ANKRD26: variants seen among roughly 807,000 people sequenced by gnomAD.
The protein encoded by ANKRD26 is ankyrin repeat domain 26.
ANKRD26 carries 141 observed loss-of-function variants against 208.7 expected under a neutral mutation model. That is an observed-to-expected ratio of 0.68 (90% confidence interval 0.59 to 0.78). The LOEUF (loss-of-function observed/expected upper bound fraction) is 0.78, where lower values mean the gene tolerates loss of function less well. Ranked by LOEUF, ANKRD26 falls within the 30% of genes least tolerant of loss-of-function variation. ANKRD26 has a pLI of 0.00. For synonymous variants in ANKRD26, 636 were observed against 660.4 expected, an observed-to-expected ratio of 0.96 and a Z score of 0.57; for missense variants, 1,889 against 1,938.7, an observed-to-expected ratio of 0.97 and a Z score of 0.48.
At chr10:27,040,814 G>C (rs916167691) in intron 20 of ANKRD26, among the ~76,000 whole-genome samples, 1 of 152,084 alleles carries the variant, frequency 6.6e-6, no homozygotes, top group Non-Finnish European at 1.5e-5. Context: ...CGGATCACCT[G>C]AGGTTAGGAG....
At chr10:27,056,215 T>C (rs897116034) in intron 15 of ANKRD26, among the ~76,000 whole-genome samples, 6 of 152,154 alleles carry the variant, frequency 3.9e-5, no homozygotes, top group Non-Finnish European at 8.8e-5. Context: ...TCTTGCTCTG[T>C]CGCCCAGGTT....
At chr10:27,091,438 C>G (rs1228312553) in intron 4 of ANKRD26, among the ~76,000 whole-genome samples, 1 of 151,700 alleles carries the variant, frequency 6.6e-6, no homozygotes, top group Non-Finnish European at 1.5e-5. Context: ...TTGCCCATAC[C>G]AATTAAAAAT....
intron 15 of ANKRD26, among the ~76,000 whole-genome samples, chr10:27,056,481 T>G (rs1299397532): frequency 3.3e-5 from 5 of 151,970 alleles, no homozygotes; most frequent in Non-Finnish European, 7.4e-5. Flanking sequence ...AAATAATTTT[T>G]TTTAAAGTTA....
chr10:27,007,003 C>T, intron 32 of ANKRD26, 41 bp from the exon 33 acceptor site: 2 of 1,434,880 alleles, frequency 1.4e-6, no homozygotes, highest in Non-Finnish European at 2.0e-6. Flanking sequence ...TTAAGTTAGA[C>T]AAGAGACATT....
chr10:27,039,876 A>G, intron 21 of ANKRD26, 89 bp downstream of exon 21: 1 of 1,259,720 alleles, frequency 7.9e-7, no homozygotes, highest in Non-Finnish European at 1.2e-6. Flanking sequence ...TTCCCTGCTA[A>G]GCCCCAGAAG....
At chr10:27,051,840 T>A (rs1017430302) in intron 16 of ANKRD26, 1 of 985,304 alleles carries the variant, frequency 1.0e-6, no homozygotes. Context: ...ATGTAGTGAC[T>A]CTTCCCCAGG....
rs2052837634 is a variant in ANKRD26, at chr10:27,005,432, T to A, written c.*158A>T. ...TCATTGGCAAAATCCACTTAAAAGT[T>A]AAAGAAGCCAAGTAACATTGTTTAA... On this transcript the variant is annotated 3_prime_UTR_variant, in exon 34 of 34. Transcript: ENST00000376087. The A allele has an allele frequency of 2.2e-6, 3 of 1,368,352 alleles. No individual in the cohort carries two copies. The highest frequency in any genetic ancestry group is 9.4e-7 in the Non-Finnish European group (1 of 1,063,428). The allele number at this position is 1,368,352 out of a possible 1,614,324, so 84.8% of individuals were successfully genotyped here. A position where few individuals can be genotyped will look rare whatever the true frequency, so the allele number is the denominator to read the frequency against.
In ANKRD26 at chr10:27,068,822, G is replaced by A. The variant is rs182713589; in HGVS notation, c.1078-1536C>T. ...TAGAGAAGATTATTCCAAAATTACA[G>A]GTCAGAAAGTGAACTGTCACATTTT... On this transcript the variant is annotated intron_variant, in intron 9 of 33. Coordinates refer to ENST00000376087, the MANE Select transcript of ANKRD26 (RefSeq NM_014915.3). Among the ~76,000 whole-genome samples, 257 of 150,852 alleles carry A rather than the reference G, an allele frequency of 1.7e-3. 2 individuals carry two copies. Among genetic ancestry groups the A allele is most frequent in the Middle Eastern group, 6.8e-3 (2 of 294 alleles).
At chr10:27,029,380 C>T in intron 25 of ANKRD26, 24 bp from the exon 26 acceptor site, 1 of 1,601,568 alleles carries the variant, frequency 6.2e-7, no homozygotes, top group Non-Finnish European at 8.5e-7. Context: ...TAAAAAAAAC[C>T]CACTTTACTA....
intron 1 of ANKRD26, among the ~76,000 whole-genome samples, chr10:27,094,773 G>A (rs1017426519): frequency 7.2e-5 from 11 of 152,162 alleles, no homozygotes; most frequent in African/African-American, 1.9e-4. Flanking sequence ...AGCTGAGGTA[G>A]GATGACTGCT....
Position 27,060,504 on chromosome 10 carries a change from C to T in ANKRD26, c.1491+8G>A, listed in dbSNP as rs771818082. ...AATAATTCAAGATAAAAATATAAAACTTATTACCTTCAAGTGAAGATATCT... is the reference window on the plus strand; with the variant it reads ...AATAATTCAAGATAAAAATATAAAATTTATTACCTTCAAGTGAAGATATCT... On this transcript the variant is annotated splice_region_variant and intron_variant, in intron 14 of 33. Coordinates refer to ENST00000376087, the MANE Select transcript of ANKRD26 (RefSeq NM_014915.3). The T allele has an allele frequency of 4.5e-6, 7 of 1,554,372 alleles. No individual in the cohort carries two copies. In the Admixed American group the frequency reaches 1.2e-4, roughly 26 times the overall value.
In ANKRD26 at chr10:27,100,179, T is replaced by A. The variant is rs751879818; in HGVS notation, c.148A>T (p.Ile50Phe). 2 of 1,613,976 alleles carry A rather than the reference T, an allele frequency of 1.2e-6. No homozygotes were observed. Among genetic ancestry groups the A allele is most frequent in the Non-Finnish European group, 1.7e-6 (2 of 1,179,984 alleles). The change falls in exon 1 of 34, where the codon ATC becomes TTC. Residue 50 changes from isoleucine (I) to phenylalanine (F), a missense_variant. Coordinates refer to ENST00000376087, the MANE Select transcript of ANKRD26 (RefSeq NM_014915.3). ...TTACCCGCGCTGGCAGCTTTGTGGA[T>A]CTTGCCGAGATCTCGGTCTCGGACG... ...YHVRDRDLGK[I>F]HKAASAGNVA...
At chr10:27,091,070 C>CGG (rs71504735) in intron 4 of ANKRD26, among the ~76,000 whole-genome samples, 19,805 of 151,802 alleles carry the variant, frequency 0.13, 1,417 homozygotes, top group East Asian at 0.28. Flanking sequence ...CACTCCAGCC[C>CGG]GTGACAGAGC....
chr10:26,972,121 GC>G (rs2052156496), downstream of ANKRD26, among the ~76,000 whole-genome samples: 1 of 151,802 alleles, frequency 6.6e-6, no homozygotes, highest in East Asian at 1.9e-4. Flanking sequence ...TGTAGTCCCA[GC>G]TACTCGGGAG....
chr10:27,092,894 C>T (rs1391100011), intron 3 of ANKRD26, among the ~76,000 whole-genome samples: 1 of 152,110 alleles, frequency 6.6e-6, no homozygotes, highest in Non-Finnish European at 1.5e-5. Context: ...GCCCGCCTGG[C>T]CAACATGGCA....
intron 29 of ANKRD26, among the ~76,000 whole-genome samples, chr10:27,019,669 G>C (rs188474313): frequency 6.6e-6 from 1 of 152,082 alleles, no homozygotes; most frequent in Non-Finnish European, 1.5e-5. Context: ...TAGCTCTTAC[G>C]TCTTTCTCCT....
At chr10:27,080,148 CTT>C in intron 6 of ANKRD26, 1 of 183,256 alleles carries the variant, frequency 5.5e-6, no homozygotes, top group Non-Finnish European at 1.2e-5. Flanking sequence ...CAGTGCAAGA[CTT>C]TGTCTCAAAA....
chr10:26,962,004 G>A, the ANKRD26 span, among the ~76,000 whole-genome samples: 2 of 152,174 alleles, frequency 1.3e-5, no homozygotes, highest in Non-Finnish European at 2.9e-5. Flanking sequence ...AAGTGGGAAG[G>A]GCTTCATTGA....
At chr10:27,068,113 G>A (rs1178239203) in intron 9 of ANKRD26, among the ~76,000 whole-genome samples, 1 of 152,178 alleles carries the variant, frequency 6.6e-6, no homozygotes, top group Non-Finnish European at 1.5e-5. Flanking sequence ...ATATGGTTTG[G>A]CTCTGTGTCC....
Sources: gnomAD v4.1 joint callset for allele counts (sites outside exome capture counted in the v4.1 genomes callset) on GRCh38, gnomAD v4.1.1 for gene constraint, MANE v1.5 for transcripts, NCBI Gene and HGNC (gene_info 2026-07-23, HGNC 2026-07-21) for gene names.